The following PHLPP1 variants were observed in gnomAD, a reference collection of about 807,000 sequenced individuals.
PHLPP1 encodes the protein PH domain leucine-rich repeat-containing protein phosphatase 1.
Under a neutral mutation model 117.2 loss-of-function variants are expected in PHLPP1, and 42 were observed. The ratio of observed to expected loss-of-function variants is 0.36; its 90% CI spans 0.28 to 0.46. The LOEUF (loss-of-function observed/expected upper bound fraction) is 0.46, where lower values mean the gene tolerates loss of function less well. Ranked by LOEUF, PHLPP1 falls within the 20% of genes least tolerant of loss-of-function variation. The pLI is 1.00. For missense variants in PHLPP1, 2,084 were observed against 2,241.9 expected, an observed-to-expected ratio of 0.93 and a Z score of 1.42; for synonymous variants, 1,042 against 970.7, an observed-to-expected ratio of 1.07 and a Z score of -1.37.
intron 14 of PHLPP1, among the ~76,000 whole-genome samples, chr18:62,966,387 CT>C (rs1211080429): frequency 1.3e-5 from 2 of 148,702 alleles, no homozygotes; most frequent in East Asian, 3.9e-4. Context: ...ATAATTTTTT[CT>C]TTTTATTAAT....
At chr18:62,903,925 G>A (rs1916786836) in intron 7 of PHLPP1, among the ~76,000 whole-genome samples, 1 of 152,170 alleles carries the variant, frequency 6.6e-6, no homozygotes, top group Admixed American at 6.5e-5. Flanking sequence ...AGAAAAGGTA[G>A]TATGGGCATA....
At chr18:62,883,711 T>A (rs1456711713) in intron 4 of PHLPP1, among the ~76,000 whole-genome samples, 3 of 152,186 alleles carry the variant, frequency 2.0e-5, no homozygotes. Flanking sequence ...TTATTAAAAC[T>A]CTTGAGGACA....
chr18:62,829,966 C>T (rs1914711518), intron 1 of PHLPP1, 69 bp from the exon 2 acceptor site: 3 of 1,076,078 alleles, frequency 2.8e-6, no homozygotes, highest in Non-Finnish European at 4.0e-6. Context: ...ATTCATATAT[C>T]TGCTATGTAG....
chr18:62,869,445 A>G (rs1319773352), intron 4 of PHLPP1, among the ~76,000 whole-genome samples: 2 of 152,230 alleles, frequency 1.3e-5, no homozygotes, highest in East Asian at 3.8e-4. Context: ...ACCAGTACAC[A>G]TATGAGGAAG....
At chr18:62,780,999 A>C (rs1165948281) in intron 1 of PHLPP1, among the ~76,000 whole-genome samples, 1 of 152,184 alleles carries the variant, frequency 6.6e-6, no homozygotes, top group Admixed American at 6.5e-5. Flanking sequence ...CAATGGGAAA[A>C]GCATGCATTT....
intron 1 of PHLPP1, among the ~76,000 whole-genome samples, chr18:62,797,810 G>A (rs148585883): frequency 2.6e-5 from 4 of 152,226 alleles, no homozygotes; most frequent in Non-Finnish European, 5.9e-5. Context: ...AAGCATTGCC[G>A]GGGAGAGAGG....
intron 4 of PHLPP1, among the ~76,000 whole-genome samples, chr18:62,877,062 A>G (rs1156775901): frequency 6.6e-6 from 1 of 152,196 alleles, no homozygotes; most frequent in African/African-American, 2.4e-5. Flanking sequence ...CTAATTATGC[A>G]TGGCATTTAT....
intron 3 of PHLPP1, among the ~76,000 whole-genome samples, chr18:62,847,620 C>T (rs936983438): frequency 6.6e-6 from 1 of 152,022 alleles, no homozygotes; most frequent in Non-Finnish European, 1.5e-5. Context: ...TGACAAGAAG[C>T]GAATATTAAT....
At chr18:62,916,744 A>ATTT (rs1909290526) in intron 9 of PHLPP1, among the ~76,000 whole-genome samples, 1 of 93,738 alleles carries the variant, frequency 1.1e-5, no homozygotes, top group Non-Finnish European at 2.1e-5. Flanking sequence ...CTTTCCTTCT[A>ATTT]TTCTTTTTTT....
rs566396158 is a variant in PHLPP1, at chr18:62,801,595, G to A, written c.1577-28440G>A. ...AGCCTCTTGAGTAGCTGAGACTACA[G>A]GCATGCACCACCATGCCCGGCTAAT... On this transcript the variant is annotated intron_variant, in intron 1 of 16. Coordinates refer to ENST00000262719, the MANE Select transcript of PHLPP1 (RefSeq NM_194449.4). 2.6e-5 allele frequency among the ~76,000 whole-genome samples: 4 copies of A among 151,914 alleles called. No homozygotes were observed. In the South Asian group the frequency reaches 6.3e-4, roughly 24 times the overall value.
At chr18:62,719,359 A>G (rs567278703) in intron 1 of PHLPP1, among the ~76,000 whole-genome samples, 1 of 152,360 alleles carries the variant, frequency 6.6e-6, no homozygotes, top group Non-Finnish European at 1.5e-5. Context: ...GCTGTTATTC[A>G]TTTGCAGTAG....
intron 4 of PHLPP1, among the ~76,000 whole-genome samples, chr18:62,894,441 C>G (rs1356656761): frequency 6.6e-6 from 1 of 152,162 alleles, no homozygotes; most frequent in Non-Finnish European, 1.5e-5. Context: ...AAGTGATCCA[C>G]TCATCTCGGC....
chr18:62,830,277 G>T, intron 2 of PHLPP1, 46 bp downstream of exon 2: 2 of 1,488,346 alleles, frequency 1.3e-6, no homozygotes, highest in Non-Finnish European at 1.8e-6. Context: ...GTCTCACTCT[G>T]TCACCCAGGC....
intron 4 of PHLPP1, among the ~76,000 whole-genome samples, chr18:62,885,592 G>A (rs749531296): frequency 5.9e-5 from 9 of 152,158 alleles, no homozygotes; most frequent in Non-Finnish European, 1.2e-4. Context: ...CCTGGGAGGC[G>A]GAGGTTGCTG....
intron 3 of PHLPP1, among the ~76,000 whole-genome samples, chr18:62,846,916 C>CT (rs1915196765): frequency 6.6e-6 from 1 of 152,022 alleles, no homozygotes; most frequent in Non-Finnish European, 1.5e-5. Flanking sequence ...CCTTCTATTC[C>CT]TTTTTTCTTT....
chr18:62,952,370 T>A (rs926148818), intron 12 of PHLPP1, among the ~76,000 whole-genome samples: 17 of 152,314 alleles, frequency 1.1e-4, no homozygotes, highest in African/African-American at 3.8e-4. Context: ...TTTGAGGAAA[T>A]TCTGTATTTG....
intron 3 of PHLPP1, among the ~76,000 whole-genome samples, chr18:62,846,468 A>C (rs937054959): frequency 4.6e-5 from 7 of 152,040 alleles, no homozygotes; most frequent in African/African-American, 1.7e-4. Flanking sequence ...TCATTTCAGG[A>C]AGGATAGGTC....
At chr18:62,737,493 T>G (rs1911403855) in intron 1 of PHLPP1, among the ~76,000 whole-genome samples, 3 of 152,212 alleles carry the variant, frequency 2.0e-5, no homozygotes, top group Admixed American at 2.0e-4. Flanking sequence ...GAAGACTGCC[T>G]TAGTAGGGCC....
At chr18:62,776,871 G>C (rs1186137855) in intron 1 of PHLPP1, among the ~76,000 whole-genome samples, 1 of 152,196 alleles carries the variant, frequency 6.6e-6, no homozygotes, top group Non-Finnish European at 1.5e-5. Context: ...GCCTCCCAAA[G>C]TGTTGGGATT....
Sources: allele counts gnomAD v4.1 joint callset (sites outside exome capture counted in the v4.1 genomes callset), GRCh38; gene constraint gnomAD v4.1.1; transcripts MANE v1.5; gene names NCBI Gene and HGNC (gene_info 2026-07-23, HGNC 2026-07-21).